ST6GAL1: variants seen among roughly 807,000 people sequenced by gnomAD.
ST6GAL1 encodes the protein beta-galactoside alpha-2,6-sialyltransferase 1.
In ST6GAL1, 20 loss-of-function variants were observed where a neutral mutation model predicts 38.0. That is an observed-to-expected ratio of 0.53 (90% CI 0.37 to 0.77). The LOEUF is 0.77. Ranked by LOEUF, ST6GAL1 falls within the 30% of genes least tolerant of loss-of-function variation. The pLI is 0.00. For synonymous variants in ST6GAL1, 196 were observed against 188.2 expected, an observed-to-expected ratio of 1.04 and a Z score of -0.34; for missense variants, 432 against 496.4, an observed-to-expected ratio of 0.87 and a Z score of 1.23.
chr3:186,958,386 A>G (rs1714815476), intron 1 of ST6GAL1, among the ~76,000 whole-genome samples: 1 of 152,122 alleles, frequency 6.6e-6, no homozygotes, highest in African/African-American at 2.4e-5. Context: ...AGAATGTGGG[A>G]CAGGAGAGGT....
At chr3:186,976,297 G>C (rs200265975) in intron 2 of ST6GAL1, among the ~76,000 whole-genome samples, 1 of 152,212 alleles carries the variant, frequency 6.6e-6, no homozygotes, top group East Asian at 1.9e-4. Context: ...GAAACAGAGA[G>C]TTGATAGTTG....
At chr3:186,953,810 G>GTT (rs36103477) in intron 1 of ST6GAL1, among the ~76,000 whole-genome samples, 2 of 144,368 alleles carry the variant, frequency 1.4e-5, no homozygotes. Context: ...ACACAGAGAG[G>GTT]TTTTTTTTTT....
At chr3:187,025,830 C>T (rs1404316622) in intron 2 of ST6GAL1, among the ~76,000 whole-genome samples, 1 of 152,026 alleles carries the variant, frequency 6.6e-6, no homozygotes, top group African/African-American at 2.4e-5. Context: ...GACACAACAC[C>T]CCCCAACAAA....
At chr3:186,990,988 T>C (rs1280241022) in intron 2 of ST6GAL1, among the ~76,000 whole-genome samples, 1 of 152,120 alleles carries the variant, frequency 6.6e-6, no homozygotes, top group African/African-American at 2.4e-5. Context: ...TTTCACAGTA[T>C]TGGCGTGAAT....
chr3:186,939,967 G>A (rs1358023381), intron 1 of ST6GAL1, among the ~76,000 whole-genome samples: 2 of 152,134 alleles, frequency 1.3e-5, no homozygotes, highest in Non-Finnish European at 2.9e-5. Flanking sequence ...ATGATTCTTG[G>A]TCTCCTCTAA....
At chr3:187,066,455 C>T (rs1366879717) in intron 5 of ST6GAL1, among the ~76,000 whole-genome samples, 2 of 152,102 alleles carry the variant, frequency 1.3e-5, no homozygotes, top group African/African-American at 4.8e-5. Context: ...TATTTCCAAA[C>T]AGGGTATTAG....
intron 5 of ST6GAL1, among the ~76,000 whole-genome samples, chr3:187,070,404 T>A (rs1719320767): frequency 6.7e-6 from 1 of 149,428 alleles, no homozygotes; most frequent in Admixed American, 6.7e-5. Flanking sequence ...CATCTTCTTT[T>A]TTGCCCCCTA....
chr3:187,016,439 T>C (rs1189789497), intron 2 of ST6GAL1, among the ~76,000 whole-genome samples: 1 of 152,110 alleles, frequency 6.6e-6, no homozygotes, highest in Non-Finnish European at 1.5e-5. Context: ...AAGTCGACAC[T>C]GGTGGAGGAC....
chr3:186,934,117 T>G (rs1341978564), intron 1 of ST6GAL1, among the ~76,000 whole-genome samples: 1 of 152,214 alleles, frequency 6.6e-6, no homozygotes, highest in Admixed American at 6.5e-5. Flanking sequence ...GGGCTCCAGT[T>G]TCCTTCTTTG....
chr3:186,963,223 T>A (rs114073521), intron 1 of ST6GAL1, among the ~76,000 whole-genome samples: 7,512 of 151,602 alleles, frequency 0.05, 190 homozygotes, highest in Middle Eastern at 0.13. Context: ...AAATTCACTT[T>A]AAAAAAAACT....
rs1579378707 is a variant in ST6GAL1, at chr3:187,066,301, G to A, written c.706-6548G>A. Among the ~76,000 whole-genome samples the A allele has an allele frequency of 2.6e-5, 4 of 152,144 alleles. No individual in the cohort carries two copies. In the South Asian group the frequency reaches 8.3e-4, roughly 32 times the overall value. ...CGAATCAGAGAAAGGATGCCTTCAG[G>A]CTGTGTCTTCACATGGCTTTTCCTC... is the stretch of plus-strand genomic sequence containing the variant. On this transcript the variant is annotated intron_variant, in intron 5 of 7. Transcript: ENST00000169298.
chr3:187,033,678 T>G (rs965871119), intron 2 of ST6GAL1, among the ~76,000 whole-genome samples: 1 of 152,242 alleles, frequency 6.6e-6, no homozygotes, highest in African/African-American at 2.4e-5. Flanking sequence ...CATGCTTTTC[T>G]TATTTCCTTA....
At chr3:186,993,208 C>G (rs1716236455) in intron 2 of ST6GAL1, among the ~76,000 whole-genome samples, 1 of 152,202 alleles carries the variant, frequency 6.6e-6, no homozygotes, top group South Asian at 2.1e-4. Flanking sequence ...GAATCTAATT[C>G]GAGGGCACAC....
At chr3:186,935,470 G>A (rs560569443) in intron 1 of ST6GAL1, among the ~76,000 whole-genome samples, 21 of 152,200 alleles carry the variant, frequency 1.4e-4, no homozygotes, top group Non-Finnish European at 2.2e-4. Flanking sequence ...ACATATGCGC[G>A]CATGTGTCTT....
At chr3:187,025,089 C>G (rs74925087) in intron 2 of ST6GAL1, among the ~76,000 whole-genome samples, 9,514 of 151,044 alleles carry the variant, frequency 0.063, 318 homozygotes, top group Middle Eastern at 0.13. Flanking sequence ...AGGGGTGGTA[C>G]GATTCTGCCA....
intron 5 of ST6GAL1, among the ~76,000 whole-genome samples, chr3:187,063,865 T>G (rs1719004972): frequency 2.0e-5 from 3 of 152,242 alleles, no homozygotes; most frequent in Admixed American, 2.0e-4. Context: ...CTGAGCCTCA[T>G]TTCCCTTACT....
chr3:187,041,060 G>T (rs926461445), intron 3 of ST6GAL1, among the ~76,000 whole-genome samples: 23 of 151,888 alleles, frequency 1.5e-4, no homozygotes, highest in African/African-American at 5.6e-4. Context: ...TGGCCCCCAG[G>T]CTGAGCTGCT....
intron 5 of ST6GAL1, among the ~76,000 whole-genome samples, chr3:187,056,674 G>C (rs1023129944): frequency 6.6e-6 from 1 of 152,218 alleles, no homozygotes; most frequent in Non-Finnish European, 1.5e-5. Flanking sequence ...GAGATCTGCT[G>C]TTAGTCTGAT....
intron 1 of ST6GAL1, among the ~76,000 whole-genome samples, chr3:186,950,162 A>G (rs903793847): frequency 2.6e-5 from 4 of 152,134 alleles, no homozygotes; most frequent in Non-Finnish European, 4.4e-5. Flanking sequence ...AAAAGAGATG[A>G]TATCCTCAAA....
Sources: gnomAD v4.1 joint callset for allele counts (sites outside exome capture counted in the v4.1 genomes callset) on GRCh38, gnomAD v4.1.1 for gene constraint, MANE v1.5 for transcripts, NCBI Gene and HGNC (gene_info 2026-07-23, HGNC 2026-07-21) for gene names.